The following UBAC2 variants were observed in gnomAD, a reference collection of about 807,000 sequenced individuals.
UBAC2 encodes the protein UBA domain containing 2, also known as ubiquitin-associated domain-containing protein 2.
Under a neutral mutation model 44.0 loss-of-function variants are expected in UBAC2, and 26 were observed. The ratio of observed to expected loss-of-function variants is 0.59; its 90% CI spans 0.43 to 0.82. The LOEUF is 0.82. UBAC2 is among the 40% of genes least tolerant of loss of function. The pLI, the probability that UBAC2 is intolerant of heterozygous loss-of-function variation, is 0.00. For missense variants in UBAC2, 329 were observed against 419.4 expected (o/e 0.78, Z 1.88); for synonymous variants, 155 against 154.3 (o/e 1.00, Z -0.04).
Position 99,356,207 on chromosome 13 carries a change from G to A in UBAC2, c.808-11580G>A, listed in dbSNP as rs772774470. The A allele has an allele frequency of 9.4e-6, 5 of 534,492 alleles. No homozygotes were observed. The African/African-American group carries it at 9.6e-5, about 10-fold the overall frequency. The allele number at this position is 534,492 out of a possible 1,614,324, so 33.1% of individuals were successfully genotyped here. A position where few individuals can be genotyped will look rare whatever the true frequency, so the allele number is the denominator to read the frequency against. The stretch of plus-strand genomic sequence containing the variant: ...GTGCTGGAGCTTCCCGATGTACTCT[G>A]TAGATGTCTTTGCACCTTCTGTCCT... On this transcript the variant is annotated intron_variant, in intron 7 of 8. Transcript: ENST00000403766.
At chr13:99,276,185 A>T (rs1297617329) in intron 4 of UBAC2, among the ~76,000 whole-genome samples, 1 of 151,928 alleles carries the variant, frequency 6.6e-6, no homozygotes, top group Non-Finnish European at 1.5e-5. Flanking sequence ...AACAAGTAGT[A>T]CTCCAGTTCT....
chr13:99,242,662 G>C (rs1192358699), intron 2 of UBAC2, among the ~76,000 whole-genome samples: 1 of 16,822 alleles, frequency 5.9e-5, no homozygotes. Flanking sequence ...CCCGGACGGG[G>C]CGGCTGGCCG....
chr13:99,255,009 G>A (rs1004013686), intron 4 of UBAC2: 6 of 1,614,032 alleles, frequency 3.7e-6, no homozygotes, highest in South Asian at 2.2e-5. Context: ...GTTTTGAAAC[G>A]ATGTAGTAGA....
chr13:99,236,709 GCA>G (rs1566460507), intron 1 of UBAC2, among the ~76,000 whole-genome samples: 5 of 152,186 alleles, frequency 3.3e-5, no homozygotes, highest in Admixed American at 1.3e-4. Flanking sequence ...AATTAGCTGG[GCA>G]TGGTGGTGGG....
At chr13:99,314,048 G>T (rs2044451050) in intron 4 of UBAC2, 49 bp from the exon 5 acceptor site, 2 of 1,542,962 alleles carry the variant, frequency 1.3e-6, no homozygotes, top group Admixed American at 2.0e-5. Context: ...TCTGCCATTT[G>T]TGTTTAAAAT....
intron 8 of UBAC2, among the ~76,000 whole-genome samples, chr13:99,371,716 AT>A (rs1292267222): frequency 1.3e-5 from 2 of 152,192 alleles, no homozygotes; most frequent in African/African-American, 4.8e-5. Flanking sequence ...AAACTTAGTA[AT>A]TTTTTAAGCC....
intron 2 of UBAC2, among the ~76,000 whole-genome samples, chr13:99,241,690 A>G (rs1372265549): frequency 1.3e-5 from 2 of 151,458 alleles, no homozygotes; most frequent in Non-Finnish European, 2.9e-5. Context: ...TTTGCTTAAT[A>G]CCACTGAATT....
At chr13:99,287,748 G>C (rs1051212427) in intron 4 of UBAC2, among the ~76,000 whole-genome samples, 2 of 145,942 alleles carry the variant, frequency 1.4e-5, no homozygotes, top group African/African-American at 2.6e-5. Context: ...GCCTGCCAAA[G>C]TGCTGGGATT....
At chr13:99,244,645 G>T in intron 4 of UBAC2, 21 bp downstream of exon 4, 1 of 1,439,438 alleles carries the variant, frequency 6.9e-7, no homozygotes, top group Non-Finnish European at 9.8e-7. Context: ...CTTAAAGATT[G>T]ACTTAATTTA....
intron 1 of UBAC2, among the ~76,000 whole-genome samples, chr13:99,234,577 G>A (rs1207569805): frequency 1.3e-5 from 2 of 152,238 alleles, no homozygotes; most frequent in Non-Finnish European, 2.9e-5. Context: ...GAAGCTCAGA[G>A]AGGTCAGATA....
chr13:99,345,454 T>A (rs2044960216), intron 7 of UBAC2, among the ~76,000 whole-genome samples: 1 of 150,934 alleles, frequency 6.6e-6, no homozygotes, highest in Non-Finnish European at 1.5e-5. Context: ...GGGCTGATGC[T>A]GTACTCTGGA....
At chr13:99,203,376 T>G (rs1032065306) in intron 1 of UBAC2, among the ~76,000 whole-genome samples, 1 of 152,156 alleles carries the variant, frequency 6.6e-6, no homozygotes, top group African/African-American at 2.4e-5. Flanking sequence ...AAATCAAAAT[T>G]CTGATCCTGA....
chr13:99,296,263 C>T, intron 4 of UBAC2: 1 of 929,716 alleles, frequency 1.1e-6, no homozygotes, highest in Non-Finnish European at 1.5e-6. Context: ...TCAAAGCAAT[C>T]CAAACTGTCT....
intron 6 of UBAC2, among the ~76,000 whole-genome samples, chr13:99,329,887 T>C (rs1319448565): frequency 2.0e-5 from 3 of 152,220 alleles, no homozygotes; most frequent in African/African-American, 4.8e-5. Context: ...AGATGCTTAT[T>C]GTTTCAAGCC....
intron 1 of UBAC2, among the ~76,000 whole-genome samples, chr13:99,221,912 T>TA (rs763790707): frequency 6.6e-6 from 1 of 152,114 alleles, no homozygotes; most frequent in Non-Finnish European, 1.5e-5. Context: ...CTTTTACTCT[T>TA]AGAGGAACCC....
intron 6 of UBAC2, among the ~76,000 whole-genome samples, chr13:99,334,636 G>C (rs2138816021): frequency 6.6e-6 from 1 of 152,120 alleles, no homozygotes; most frequent in Non-Finnish European, 1.5e-5. Context: ...CAAATATGAG[G>C]GGGAAAATAC....
intron 4 of UBAC2, among the ~76,000 whole-genome samples, chr13:99,262,728 A>G (rs2043684169): frequency 6.7e-6 from 1 of 150,144 alleles, no homozygotes; most frequent in South Asian, 2.1e-4. Context: ...AAAAAAAAAA[A>G]AAAAAAAAAA....
rs1349826127 is a variant in UBAC2, at chr13:99,386,429, C to T, written c.*1094C>T. The stretch of plus-strand genomic sequence containing the variant: ...ACAATAAAGTTTTTAATGTGTTTTA[C>T]TCTTCAGTATTTTTCTATCAGACTT... On this transcript the variant is annotated 3_prime_UTR_variant, in exon 9 of 9. Transcript: ENST00000403766. 6.6e-6 allele frequency: 1 copy of T among 152,220 alleles called. No individual in the cohort carries two copies. Among genetic ancestry groups the T allele is most frequent in the Non-Finnish European group, 1.5e-5 (1 of 68,038 alleles). 9.4% of individuals were successfully genotyped at this position (152,220 alleles called of 1,614,324 possible).
chr13:99,243,233 C>CTTTTTTTT (rs773750160), intron 2 of UBAC2, among the ~76,000 whole-genome samples: 12 of 94,256 alleles, frequency 1.3e-4, no homozygotes, highest in East Asian at 3.2e-4. Flanking sequence ...TTGAGTAGCT[C>CTTTTTTTT]TTTTTTTTTT....
Sources: allele counts gnomAD v4.1 joint callset (sites outside exome capture counted in the v4.1 genomes callset), GRCh38; gene constraint gnomAD v4.1.1; transcripts MANE v1.5; gene names NCBI Gene and HGNC (gene_info 2026-07-23, HGNC 2026-07-21).